RALGPS1: variants seen among roughly 807,000 people sequenced by gnomAD.
RALGPS1 encodes the protein Ral GEF with PH domain and SH3 binding motif 1.
RALGPS1 carries 19 observed loss-of-function variants against 78.8 expected under a neutral mutation model. The observed-to-expected ratio is 0.24, with a 90% confidence interval of 0.17 to 0.35. The LOEUF (loss-of-function observed/expected upper bound fraction) is 0.35, where lower values mean the gene tolerates loss of function less well. Among genes scored for constraint, RALGPS1 ranks in the 10% least tolerant of loss-of-function variants. RALGPS1 has a pLI of 1.00. For missense variants in RALGPS1, 454 were observed against 688.3 expected, an observed-to-expected ratio of 0.66 and a Z score of 3.81; for synonymous variants, 228 against 256.3, an observed-to-expected ratio of 0.89 and a Z score of 1.06.
intron 11 of RALGPS1, among the ~76,000 whole-genome samples, chr9:127,175,826 C>T (rs2059836668): frequency 6.6e-6 from 1 of 152,076 alleles, no homozygotes; most frequent in Non-Finnish European, 1.5e-5. Context: ...GTGGCTGCTA[C>T]AAGCTGCTAC....
chr9:127,141,584 C>T (rs140139706), intron 8 of RALGPS1, among the ~76,000 whole-genome samples: 1,452 of 130,248 alleles, frequency 0.011, 11 homozygotes, highest in Middle Eastern at 0.028. Context: ...ACTTCAGAGA[C>T]TCTCACAGGG....
intron 1 of RALGPS1, among the ~76,000 whole-genome samples, chr9:126,947,683 T>C (rs2037411565): frequency 6.6e-6 from 1 of 152,190 alleles, no homozygotes; most frequent in Non-Finnish European, 1.5e-5. Context: ...GCCTGGCTTC[T>C]TTCACTTGCT....
Position 127,135,803 on chromosome 9 carries a change from G to A in RALGPS1, c.611-30266G>A, listed in dbSNP as rs148892165. Among the ~76,000 whole-genome samples the A allele has an allele frequency of 3.8e-3, 577 of 152,318 alleles. 4 individuals carry two copies. The highest frequency in any genetic ancestry group is 6.5e-3 in the Non-Finnish European group (445 of 68,022). ...CTACCTCCTCCCAGCTCCCAGAGCC[G>A]TAAATAACTGTGGGGAAGGGGCATG... is the stretch of plus-strand genomic sequence containing the variant. On this transcript the variant is annotated intron_variant, in intron 8 of 18. Coordinates refer to ENST00000259351, the MANE Select transcript of RALGPS1 (RefSeq NM_014636.3).
chr9:126,960,241 CTTT>C (rs35409028), intron 1 of RALGPS1, among the ~76,000 whole-genome samples: 13 of 109,952 alleles, frequency 1.2e-4, no homozygotes, highest in East Asian at 2.8e-4. Flanking sequence ...TCCTTTCTTC[CTTT>C]TTTTTTTTTT....
At chr9:126,985,213 G>A (rs1269919216) in intron 4 of RALGPS1, among the ~76,000 whole-genome samples, 2 of 152,154 alleles carry the variant, frequency 1.3e-5, no homozygotes, top group African/African-American at 4.8e-5. Context: ...TTTCCATGAT[G>A]TATCGGTAAC....
chr9:127,002,904 C>T (rs908133924), intron 4 of RALGPS1, among the ~76,000 whole-genome samples: 2 of 152,184 alleles, frequency 1.3e-5, no homozygotes, highest in Middle Eastern at 3.4e-3. Context: ...CTGCAATAAA[C>T]ATACGTGTGC....
chr9:127,118,621 G>A (rs976925417), intron 8 of RALGPS1, among the ~76,000 whole-genome samples: 8 of 152,186 alleles, frequency 5.3e-5, no homozygotes, highest in Admixed American at 5.2e-4. Context: ...GTAAGACGGG[G>A]ACAGCACCAC....
At chr9:127,047,257 G>A (rs1314836166) in intron 5 of RALGPS1, among the ~76,000 whole-genome samples, 1 of 152,158 alleles carries the variant, frequency 6.6e-6, no homozygotes, top group Admixed American at 6.5e-5. Flanking sequence ...ACAGTAGAGG[G>A]TTATTTAAGA....
intron 8 of RALGPS1, among the ~76,000 whole-genome samples, chr9:127,130,280 T>C (rs750103728): frequency 5.9e-5 from 9 of 152,272 alleles, no homozygotes; most frequent in Non-Finnish European, 1.2e-4. Flanking sequence ...TGAGACATTG[T>C]GAGTACAGAT....
At chr9:126,997,969 G>A (rs1377837823) in intron 4 of RALGPS1, among the ~76,000 whole-genome samples, 1 of 152,178 alleles carries the variant, frequency 6.6e-6, no homozygotes, top group Non-Finnish European at 1.5e-5. Context: ...CTAGCCATAT[G>A]TAGAAAGCTG....
chr9:127,020,876 C>G (rs1340942200), intron 4 of RALGPS1, among the ~76,000 whole-genome samples: 1 of 152,186 alleles, frequency 6.6e-6, no homozygotes, highest in African/African-American at 2.4e-5. Flanking sequence ...CCAGCTATGC[C>G]TCTATTTCTT....
At chr9:127,082,989 T>TTAGAA (rs2051328316) in intron 8 of RALGPS1, among the ~76,000 whole-genome samples, 1 of 152,098 alleles carries the variant, frequency 6.6e-6, no homozygotes, top group Non-Finnish European at 1.5e-5. Context: ...CCACCTGGGC[T>TTAGAA]TAGAAGGGTT....
chr9:126,923,606 A>G (rs1325394097), intron 1 of RALGPS1, among the ~76,000 whole-genome samples: 1 of 152,248 alleles, frequency 6.6e-6, no homozygotes, highest in African/African-American at 2.4e-5. Context: ...GTAAATGGCT[A>G]AAGTATAGTA....
chr9:127,147,379 A>C (rs1396658470), intron 8 of RALGPS1, among the ~76,000 whole-genome samples: 2 of 152,194 alleles, frequency 1.3e-5, no homozygotes. Context: ...TCTTTAGTTT[A>C]ATTAAGTCCT....
intron 8 of RALGPS1, among the ~76,000 whole-genome samples, chr9:127,143,244 G>A (rs2057900495): frequency 1.3e-5 from 2 of 152,164 alleles, no homozygotes; most frequent in African/African-American, 4.8e-5. Flanking sequence ...TGAGTCAAAG[G>A]ATACCAATAT....
intron 14 of RALGPS1, among the ~76,000 whole-genome samples, chr9:127,208,631 C>T (rs2062064493): frequency 6.6e-6 from 1 of 152,160 alleles, no homozygotes; most frequent in Non-Finnish European, 1.5e-5. Flanking sequence ...CATGTGAGCA[C>T]TCACTACCTA....
chr9:127,023,096 A>G (rs542486526), intron 4 of RALGPS1, among the ~76,000 whole-genome samples: 3 of 152,116 alleles, frequency 2.0e-5, no homozygotes, highest in Admixed American at 1.3e-4. Context: ...CCCTTCTTCA[A>G]ACACCATCAT....
At chr9:127,117,705 T>C (rs1053935900) in intron 8 of RALGPS1, among the ~76,000 whole-genome samples, 1 of 152,228 alleles carries the variant, frequency 6.6e-6, no homozygotes, top group Non-Finnish European at 1.5e-5. Context: ...CTTGCTTCAT[T>C]GATTCATTCA....
intron 1 of RALGPS1, among the ~76,000 whole-genome samples, chr9:126,953,382 T>C (rs1454522836): frequency 6.6e-6 from 1 of 151,832 alleles, no homozygotes; most frequent in African/African-American, 2.4e-5. Flanking sequence ...TGCGTGTGTG[T>C]GTGTGTGTGC....
Sources: gnomAD v4.1 joint callset for allele counts (sites outside exome capture counted in the v4.1 genomes callset) on GRCh38, gnomAD v4.1.1 for gene constraint, MANE v1.5 for transcripts, NCBI Gene and HGNC (gene_info 2026-07-23, HGNC 2026-07-21) for gene names.